The following ZC3H8 variants were observed in gnomAD, a reference collection of about 807,000 sequenced individuals.
The protein encoded by ZC3H8 is zinc finger CCCH-type containing 8, also known as zinc finger CCCH domain-containing protein 8.
Under a neutral mutation model 42.5 loss-of-function variants are expected in ZC3H8, and 27 were observed. The ratio of observed to expected loss-of-function variants is 0.64; its 90% CI spans 0.47 to 0.88. The LOEUF (loss-of-function observed/expected upper bound fraction) is 0.88, where lower values mean the gene tolerates loss of function less well. Ranked by LOEUF, ZC3H8 falls within the 40% of genes least tolerant of loss-of-function variation. The probability of loss-of-function intolerance (pLI) is 0.00; values close to 1 mark genes in which losing one functional copy is unlikely to be tolerated. For synonymous variants in ZC3H8, 101 were observed against 110.1 expected (o/e 0.92, Z 0.52); for missense variants, 277 against 336.1 (o/e 0.82, Z 1.37).
intron 6 of ZC3H8, among the ~76,000 whole-genome samples, chr2:112,232,248 G>A (rs568326423): frequency 3.8e-4 from 58 of 151,184 alleles, no homozygotes; most frequent in African/African-American, 1.3e-3. Flanking sequence ...CCTGGGAGGC[G>A]GAGGTTGCAG....
At chr2:112,236,840 A>G in intron 3 of ZC3H8, 145 bp from the exon 4 acceptor site, 1 of 765,460 alleles carries the variant, frequency 1.3e-6, no homozygotes, top group East Asian at 2.7e-5. Context: ...CAAAGCTAGG[A>G]GTTCAAGGCC....
chr2:112,245,740 G>T (rs1037538879), intron 2 of ZC3H8, among the ~76,000 whole-genome samples: 1 of 152,098 alleles, frequency 6.6e-6, no homozygotes, highest in African/African-American at 2.4e-5. Context: ...ATTGATGAAG[G>T]TGGCCACACT....
chr2:112,229,972 G>A (rs759404276), intron 8 of ZC3H8, among the ~76,000 whole-genome samples: 5 of 148,604 alleles, frequency 3.4e-5, no homozygotes, highest in African/African-American at 4.9e-5. Flanking sequence ...CGAAAAGACC[G>A]TCCACAAAAT....
At chr2:112,234,016 C>A (rs989266930) in intron 5 of ZC3H8, 104 bp downstream of exon 5, 2 of 655,610 alleles carry the variant, frequency 3.1e-6, no homozygotes, top group Admixed American at 4.0e-5. Flanking sequence ...GATTTTTTTC[C>A]AGAATGAAAC....
intron 2 of ZC3H8, among the ~76,000 whole-genome samples, chr2:112,243,668 G>T (rs1350413700): frequency 1.3e-5 from 2 of 152,120 alleles, no homozygotes; most frequent in Non-Finnish European, 2.9e-5. Context: ...CTGTGTTGTG[G>T]AAACTTGTTT....
rs1413050998 is a variant in ZC3H8 at position 112,213,483 on chromosome 2, A to T, written c.*3001T>A. 3 of 151,982 alleles carry T rather than the reference A, an allele frequency of 2.0e-5. No homozygotes were observed. Among genetic ancestry groups the T allele is most frequent in the Non-Finnish European group, 4.4e-5 (3 of 68,012 alleles). The allele number at this position is 151,982 out of a possible 1,614,324, so 9.4% of individuals were successfully genotyped here. A position where few individuals can be genotyped will look rare whatever the true frequency, so the allele number is the denominator to read the frequency against. ...CCTATATTATCTCACCAACAGATAA[A>T]AATTGAGTTCTGGCCGGGTGCGGTG... On this transcript the variant is annotated 3_prime_UTR_variant, in exon 9 of 9. Transcript: ENST00000409573.
intron 8 of ZC3H8, among the ~76,000 whole-genome samples, chr2:112,220,550 G>A (rs946473704): frequency 1.2e-4 from 19 of 152,136 alleles, no homozygotes; most frequent in African/African-American, 3.1e-4. Flanking sequence ...GGCTGGGCGC[G>A]GTGGCTCACA....
In ZC3H8 at chr2:112,230,918, T is replaced by C; in HGVS notation, c.876A>G (p.Ter292=). 7.8e-7 allele frequency: 1 copy of C among 1,282,810 alleles called. No individual in the cohort carries two copies. Among genetic ancestry groups the C allele is most frequent in the Non-Finnish European group, 1.0e-6 (1 of 979,794 alleles). The allele number at this position is 1,282,810 out of a possible 1,614,324, so 79.5% of individuals were successfully genotyped here. Residue 292 remains the stop codon, a stop_retained_variant, in exon 8 of 9, where the codon TAA becomes TAG. Coordinates refer to ENST00000409573, the MANE Select transcript of ZC3H8 (RefSeq NM_032494.3). ...VLDTEKKSCK[*] ...CTAATTTTACCTTTTTATGTCTATT[T>C]TATTTACATGACTTCTTTTCAGTAT...
At chr2:112,247,145 A>G (rs1685791718) in intron 2 of ZC3H8, among the ~76,000 whole-genome samples, 1 of 152,254 alleles carries the variant, frequency 6.6e-6, no homozygotes, top group East Asian at 1.9e-4. Context: ...TTTTATATGC[A>G]CTGGGAAACC....
At position 112,213,813 on chromosome 2, in the gene ZC3H8, T is replaced by G. The variant is rs1215660879; in HGVS notation, c.*2671A>C. 1.4e-5 allele frequency: 2 copies of G among 140,368 alleles called. No individual in the cohort carries two copies. Among genetic ancestry groups the G allele is most frequent in the Non-Finnish European group, 1.5e-5 (1 of 65,152 alleles). The allele number at this position is 140,368 out of a possible 1,614,324, so 8.7% of individuals were successfully genotyped here. ...AAAAAAAAAAAAAAAAAAAAAAAAT[T>G]TAGTTCTACTATTATGTGGCTTTTA... is the stretch of plus-strand genomic sequence containing the variant. On this transcript the variant is annotated 3_prime_UTR_variant, in exon 9 of 9. Transcript: ENST00000409573.
intron 8 of ZC3H8, among the ~76,000 whole-genome samples, chr2:112,220,203 G>A (rs919101300): frequency 6.6e-6 from 1 of 152,104 alleles, no homozygotes; most frequent in Non-Finnish European, 1.5e-5. Context: ...TTGTTAGCTG[G>A]TTATTATGCA....
chr2:112,221,538 C>T (rs1307150589), intron 8 of ZC3H8, among the ~76,000 whole-genome samples: 2 of 152,156 alleles, frequency 1.3e-5, no homozygotes, highest in East Asian at 3.9e-4. Context: ...TATAGCAATG[C>T]ATGAACGAAC....
At chr2:112,236,196 G>A (rs1003224100) in intron 4 of ZC3H8, among the ~76,000 whole-genome samples, 3 of 152,066 alleles carry the variant, frequency 2.0e-5, no homozygotes, top group Admixed American at 6.5e-5. Flanking sequence ...CCCGAGAGGC[G>A]GAGCTTGCAG....
At chr2:112,249,030 A>AT (rs1685854818) in intron 2 of ZC3H8, among the ~76,000 whole-genome samples, 1 of 152,044 alleles carries the variant, frequency 6.6e-6, no homozygotes, top group South Asian at 2.1e-4. Context: ...CCCCATGTAT[A>AT]TTTTTTCTCT....
At chr2:112,232,046 G>A (rs746025496) in intron 6 of ZC3H8, 99 bp from the exon 7 acceptor site, 19 of 634,412 alleles carry the variant, frequency 3.0e-5, no homozygotes, top group Middle Eastern at 4.7e-4. Context: ...CTCTGTGGCC[G>A]GGCGAGGTGG....
chr2:112,245,324 G>C (rs936151747), intron 2 of ZC3H8, among the ~76,000 whole-genome samples: 1 of 152,234 alleles, frequency 6.6e-6, no homozygotes, highest in Admixed American at 6.5e-5. Context: ...GTTGGTTCTT[G>C]AGGTTTATGG....
intron 2 of ZC3H8, among the ~76,000 whole-genome samples, chr2:112,249,436 G>T (rs1305444447): frequency 3.3e-5 from 5 of 151,676 alleles, no homozygotes; most frequent in East Asian, 1.9e-4. Context: ...AAGTTCTGGG[G>T]TTTTTTTTGT....
At chr2:112,254,076 GATTT>G (rs1182512670) in intron 1 of ZC3H8, 1 of 969,412 alleles carries the variant, frequency 1.0e-6, no homozygotes, top group African/African-American at 1.8e-5. Context: ...AGGATTAAGT[GATTT>G]ATTTCATGTA....
intron 1 of ZC3H8, among the ~76,000 whole-genome samples, chr2:112,251,709 A>G (rs1311482275): frequency 2.6e-5 from 4 of 152,236 alleles, no homozygotes; most frequent in Non-Finnish European, 5.9e-5. Flanking sequence ...CAGAGCTAAT[A>G]CATGGTGGAG....
Sources: gnomAD v4.1 joint callset for allele counts (sites outside exome capture counted in the v4.1 genomes callset) on GRCh38, gnomAD v4.1.1 for gene constraint, MANE v1.5 for transcripts, NCBI Gene and HGNC (gene_info 2026-07-23, HGNC 2026-07-21) for gene names.